RAB8A: variants seen among roughly 807,000 people sequenced by gnomAD.
RAB8A encodes the protein RAB8A, member RAS oncogene family.
RAB8A carries 5 observed loss-of-function variants against 29.2 expected under a neutral mutation model. That is an observed-to-expected ratio of 0.17 (90% CI 0.09 to 0.36). The LOEUF (loss-of-function observed/expected upper bound fraction) is 0.36. Ranked by LOEUF, RAB8A falls within the 10% of genes least tolerant of loss-of-function variation. RAB8A has a pLI of 1.00. For missense variants in RAB8A, 171 were observed against 272.2 expected, an observed-to-expected ratio of 0.63 and a Z score of 2.62; for synonymous variants, 108 against 99.9, an observed-to-expected ratio of 1.08 and a Z score of -0.49.
At chr19:16,126,656 G>A (rs1475602141) in intron 4 of RAB8A, 2 of 152,344 alleles carry the variant, frequency 1.3e-5, no homozygotes, top group South Asian at 4.1e-4. Flanking sequence ...TGACGGCCTC[G>A]AGTTGCGACC....
rs1162652411 is a variant in RAB8A at position 16,125,157 on chromosome 19, T to C, written c.247-313T>C. The C allele has an allele frequency of 1.1e-5, 5 of 463,166 alleles. No individual in the cohort carries two copies. Among genetic ancestry groups the C allele is most frequent in the Middle Eastern group, 1.2e-3 (2 of 1,626 alleles). The allele number at this position is 463,166 out of a possible 1,614,324, so 28.7% of individuals were successfully genotyped here. A position where few individuals can be genotyped will look rare whatever the true frequency, so the allele number is the denominator to read the frequency against. On this transcript the variant is annotated intron_variant, in intron 3 of 7. Transcript: ENST00000300935. The surrounding 1 kb of genome is among the most constrained non-coding windows in gnomAD (Gnocchi z 5.0). ...CCCACCGTCAGGCTGCACCACCCCGTGGGCCATGAGGGGAGCCAGCCGGGC... is the reference window on the plus strand; with the variant it reads ...CCCACCGTCAGGCTGCACCACCCCGCGGGCCATGAGGGGAGCCAGCCGGGC...
chr19:16,115,825 G>A (rs145328504), intron 1 of RAB8A, among the ~76,000 whole-genome samples: 4 of 152,276 alleles, frequency 2.6e-5, no homozygotes, highest in Non-Finnish European at 4.4e-5. Flanking sequence ...GGGAGCTTAC[G>A]TTTGAGAGGG....
chr19:16,121,141 T>C (rs1482930912), intron 2 of RAB8A, among the ~76,000 whole-genome samples: 1 of 151,754 alleles, frequency 6.6e-6, no homozygotes, highest in Non-Finnish European at 1.5e-5. Context: ...GGTCTCAACC[T>C]CCTGACCTCA....
At position 16,111,920 on chromosome 19, in the gene RAB8A, T is replaced by C; in HGVS notation, c.19T>C (p.Tyr7His). 6.2e-7 allele frequency: 1 copy of C among 1,613,916 alleles called. No individual in the cohort carries two copies. The highest frequency in any genetic ancestry group is 8.5e-7 in the Non-Finnish European group (1 of 1,179,870). The change falls in exon 1 of 8, where the codon TAC becomes CAC. Residue 7 changes from tyrosine (Y) to histidine (H), a missense_variant. Physicochemically the swap from Tyr to His is moderately conservative, Grantham distance 83 (BLOSUM62 2). Coordinates refer to ENST00000300935, the MANE Select transcript of RAB8A (RefSeq NM_005370.5). ...GTGTAATATGGCGAAGACCTACGATTACCTGTTCAAGCTGCTGCTGATCGG... is the reference window on the plus strand; with the variant it reads ...GTGTAATATGGCGAAGACCTACGATCACCTGTTCAAGCTGCTGCTGATCGG... MAKTYD[Y>H]LFKLLLIGDS...
chr19:16,115,073 C>T (rs185165244), intron 1 of RAB8A, among the ~76,000 whole-genome samples: 1 of 152,196 alleles, frequency 6.6e-6, no homozygotes, highest in East Asian at 1.9e-4. Context: ...TTTAGGAAGC[C>T]CAGGCACACT....
At chr19:16,118,376 C>T in intron 2 of RAB8A, 90 bp downstream of exon 2, 1 of 1,223,370 alleles carries the variant, frequency 8.2e-7, no homozygotes, top group South Asian at 1.2e-5. Flanking sequence ...GTCCCTGTGA[C>T]CTTGGCCTCC....
chr19:16,119,295 C>A (rs2090862133), intron 2 of RAB8A, among the ~76,000 whole-genome samples: 1 of 151,976 alleles, frequency 6.6e-6, no homozygotes, highest in African/African-American at 2.4e-5. Flanking sequence ...AACCTCTGCC[C>A]CCCGGGTTCA....
In RAB8A at chr19:16,125,237, C is replaced by T. The variant is rs1012548085; in HGVS notation, c.247-233C>T. The stretch of plus-strand genomic sequence containing the variant: ...CTGTGAGGCAGAAGGGTCACCTCAG[C>T]GGCCCGGGGGGCAGGACAAGGCTGG... On this transcript the variant is annotated intron_variant, in intron 3 of 7. Transcript: ENST00000300935. This position sits in a 1 kb window ranked among gnomAD's most constrained non-coding sequence, Gnocchi z 5.0. The T allele has an allele frequency of 8.1e-5, 47 of 580,446 alleles. No individual in the cohort carries two copies. The highest frequency in any genetic ancestry group is 1.0e-4 in the Non-Finnish European group (34 of 324,176). 36.0% of individuals were successfully genotyped at this position (580,446 alleles called of 1,614,324 possible).
At chr19:16,131,115 C>T (rs940172123) in intron 7 of RAB8A, among the ~76,000 whole-genome samples, 3 of 151,898 alleles carry the variant, frequency 2.0e-5, no homozygotes, top group South Asian at 4.2e-4. Flanking sequence ...TGGGCCACCC[C>T]GCCTGGCCAT....
At chr19:16,114,996 G>A (rs917371382) in intron 1 of RAB8A, among the ~76,000 whole-genome samples, 2 of 151,172 alleles carry the variant, frequency 1.3e-5, no homozygotes, top group African/African-American at 4.9e-5. Flanking sequence ...TGTGGAGCTT[G>A]GCCAACCTAA....
chr19:16,127,844 T>G lies in RAB8A; in HGVS notation c.415-182T>G. 1.5e-6 allele frequency: 1 copy of G among 674,086 alleles called. No homozygotes were observed. 41.8% of individuals were successfully genotyped at this position (674,086 alleles called of 1,614,324 possible). A position where few individuals can be genotyped will look rare whatever the true frequency, so the allele number is the denominator to read the frequency against. On this transcript the variant is annotated intron_variant, in intron 5 of 7. Coordinates refer to ENST00000300935, the MANE Select transcript of RAB8A (RefSeq NM_005370.5). The surrounding 1 kb of genome is among the most constrained non-coding windows in gnomAD (Gnocchi z 4.8). ...CCATCCCCAGCAACTCCATGCCCTG[T>G]GAGGCCCTGTGGAGGGGCATTCACT...
chr19:16,112,109 G>A, intron 1 of RAB8A, 84 bp downstream of exon 1: 2 of 1,549,050 alleles, frequency 1.3e-6, no homozygotes, highest in South Asian at 2.4e-5. Flanking sequence ...GGATCTACAG[G>A]GCTGGACGGG....
At chr19:16,114,763 A>AAAGTTAC (rs1040200581) in intron 1 of RAB8A, among the ~76,000 whole-genome samples, 1 of 151,846 alleles carries the variant, frequency 6.6e-6, no homozygotes, top group African/African-American at 2.4e-5. Flanking sequence ...TGACTTGGTG[A>AAAGTTAC]AAGTTACCTA....
intron 6 of RAB8A, 74 bp from the exon 7 acceptor site, chr19:16,129,480 C>A: frequency 6.8e-7 from 1 of 1,473,872 alleles, no homozygotes; most frequent in Non-Finnish European, 9.5e-7. Flanking sequence ...TGTCTCACCA[C>A]ACCCGCTGTA....
chr19:16,127,631 T>A lies in RAB8A; in HGVS notation c.414+105T>A. The A allele has an allele frequency of 1.1e-6, 1 of 917,492 alleles. No individual in the cohort carries two copies. The highest frequency in any genetic ancestry group is 1.6e-6 in the Non-Finnish European group (1 of 632,048). The allele number at this position is 917,492 out of a possible 1,614,324, so 56.8% of individuals were successfully genotyped here. A position where few individuals can be genotyped will look rare whatever the true frequency, so the allele number is the denominator to read the frequency against. On this transcript the variant is annotated intron_variant, in intron 5 of 7. Coordinates refer to ENST00000300935, the MANE Select transcript of RAB8A (RefSeq NM_005370.5). The surrounding 1 kb of genome is among the most constrained non-coding windows in gnomAD (Gnocchi z 4.8). ...GCCCCAGGGGCCTGAGACGAGTTGG[T>A]CACCCCAGTGGGGCACGTGCCATGG...
At chr19:16,132,000 C>T (rs1213794631) in intron 7 of RAB8A, among the ~76,000 whole-genome samples, 1 of 145,300 alleles carries the variant, frequency 6.9e-6, no homozygotes, top group African/African-American at 2.6e-5. Flanking sequence ...GGATGGATGA[C>T]CTGGCAGATG....
intron 1 of RAB8A, among the ~76,000 whole-genome samples, chr19:16,116,987 G>T (rs2090848682): frequency 6.6e-6 from 1 of 151,600 alleles, no homozygotes. Context: ...TTCTATGAAT[G>T]AGCCTATGCT....
intron 7 of RAB8A, 77 bp downstream of exon 7, chr19:16,129,681 G>A (rs558228419): frequency 3.7e-5 from 53 of 1,442,860 alleles, no homozygotes; most frequent in East Asian, 1.1e-4. Flanking sequence ...GTGATATGAC[G>A]TGCCCTAGAT....
chr19:16,112,426 T>A, intron 1 of RAB8A: 1 of 209,204 alleles, frequency 4.8e-6, no homozygotes, highest in Non-Finnish European at 9.9e-6. Flanking sequence ...GCATCTCACC[T>A]TAATGAGCAT....
Sources: allele counts gnomAD v4.1 joint callset (sites outside exome capture counted in the v4.1 genomes callset), GRCh38; gene constraint gnomAD v4.1.1; non-coding constraint Gnocchi (gnomAD v3.1); transcripts MANE v1.5; gene names NCBI Gene and HGNC (gene_info 2026-07-23, HGNC 2026-07-21).